Variants in SLCO3A1 observed in about 807,000 individuals in gnomAD.
The protein encoded by SLCO3A1 is solute carrier organic anion transporter family member 3A1.
SLCO3A1 carries 27 observed loss-of-function variants against 63.1 expected under a neutral mutation model. That is an observed-to-expected ratio of 0.43 (90% CI 0.32 to 0.59). SLCO3A1 has a LOEUF of 0.59. Ranked by LOEUF, SLCO3A1 falls within the 20% of genes least tolerant of loss-of-function variation. The pLI is 0.09. For missense variants in SLCO3A1, 773 were observed against 945.8 expected (o/e 0.82, Z 2.40); for synonymous variants, 473 against 409.9 (o/e 1.15, Z -1.86).
chr15:91,917,537 C>T (rs992299321), intron 2 of SLCO3A1, among the ~76,000 whole-genome samples: 9 of 152,060 alleles, frequency 5.9e-5, no homozygotes, highest in African/African-American at 1.9e-4. Flanking sequence ...GGATGTTGCA[C>T]GCGGATGTTC....
intron 4 of SLCO3A1, among the ~76,000 whole-genome samples, chr15:92,114,823 G>A (rs188518823): frequency 1.3e-5 from 2 of 152,254 alleles, no homozygotes; most frequent in Admixed American, 6.5e-5. Context: ...GGACTTTGGA[G>A]CTCAGGCTGA....
At chr15:92,030,627 T>C (rs998813579) in intron 2 of SLCO3A1, among the ~76,000 whole-genome samples, 1 of 152,172 alleles carries the variant, frequency 6.6e-6, no homozygotes, top group Non-Finnish European at 1.5e-5. Context: ...AATCTTCAGG[T>C]CATCTTTTCT....
chr15:92,162,605 A>G (rs2048453186), intron 9 of SLCO3A1, 151 bp from the exon 10 acceptor site: 5 of 1,280,790 alleles, frequency 3.9e-6, no homozygotes, highest in South Asian at 3.2e-5. Context: ...CTGGGACACA[A>G]ACTCATGCGC....
chr15:91,880,690 A>G (rs1240275223), intron 1 of SLCO3A1, among the ~76,000 whole-genome samples: 1 of 152,050 alleles, frequency 6.6e-6, no homozygotes, highest in Admixed American at 6.5e-5. Context: ...GCATATATCA[A>G]TAATTCATTT....
At chr15:92,062,145 C>G (rs1027340669) in intron 2 of SLCO3A1, among the ~76,000 whole-genome samples, 2 of 152,246 alleles carry the variant, frequency 1.3e-5, no homozygotes, top group Non-Finnish European at 2.9e-5. Context: ...TTACCTAACT[C>G]TGAGCCTTCA....
intron 1 of SLCO3A1, among the ~76,000 whole-genome samples, chr15:91,876,681 G>A (rs1324924263): frequency 2.0e-5 from 3 of 152,220 alleles, no homozygotes; most frequent in Non-Finnish European, 2.9e-5. Flanking sequence ...GGTAGGTTCC[G>A]GAGGCCTCTC....
intron 2 of SLCO3A1, among the ~76,000 whole-genome samples, chr15:92,001,456 G>C (rs1026256703): frequency 2.5e-4 from 38 of 152,298 alleles, no homozygotes; most frequent in African/African-American, 9.1e-4. Flanking sequence ...ACAGGGTTGA[G>C]CTTGACAGTG....
Position 91,916,296 on chromosome 15 carries a change from G to T in SLCO3A1, c.484G>T (p.Asp162Tyr), listed in dbSNP as rs779274626. The part of the protein sequence containing the change: ...ANGSGGDEGP[D>Y]PDLICRNRTA... ...CGGCTCGGGCGGCGACGAGGGGCCCGACCCCGACCTCATCTGCCGCAACCG... is the reference window on the plus strand; with the variant it reads ...CGGCTCGGGCGGCGACGAGGGGCCCTACCCCGACCTCATCTGCCGCAACCG... The change falls in exon 2 of 10, where the codon GAC becomes TAC. Residue 162 changes from aspartate to tyrosine, a missense_variant. By Grantham distance (160) the Asp-to-Tyr change is radical. Around this residue, in one of 3 missense-constraint regions of SLCO3A1, gnomAD observed 565 missense variants for 749.8 expected, o/e 0.75. Coordinates refer to ENST00000318445, the MANE Select transcript of SLCO3A1 (RefSeq NM_013272.4). This position sits in a 1 kb window ranked among gnomAD's most constrained non-coding sequence, Gnocchi z 6.2. The T allele has an allele frequency of 2.2e-5, 34 of 1,561,164 alleles. No homozygotes were observed. Among genetic ancestry groups the T allele is most frequent in the Non-Finnish European group, 2.9e-5 (34 of 1,154,948 alleles).
rs137865785 is a variant in SLCO3A1, at chr15:92,041,571, C to G, written c.647-53310C>G. 9.7e-4 allele frequency among the ~76,000 whole-genome samples: 148 copies of G among 152,256 alleles called. 1 individual carries two copies. The highest frequency in any genetic ancestry group is 3.0e-3 in the African/African-American group (126 of 41,548). ...GAATGAACTATGTGGTCTCTTCAAC[C>G]CGTACATTTTAAATGCAGATGGAGA... On this transcript the variant is annotated intron_variant, in intron 2 of 9. Coordinates refer to ENST00000318445, the MANE Select transcript of SLCO3A1 (RefSeq NM_013272.4).
chr15:91,985,921 G>A (rs946521272), intron 2 of SLCO3A1, among the ~76,000 whole-genome samples: 1 of 152,128 alleles, frequency 6.6e-6, no homozygotes, highest in African/African-American at 2.4e-5. Context: ...GGAGGCCTTC[G>A]AGGAGCAGGA....
Position 92,053,693 on chromosome 15 carries a change from TTTG to T in SLCO3A1, c.647-41185_647-41183del, listed in dbSNP as rs751385297. On this transcript the variant is annotated intron_variant, in intron 2 of 9. Transcript: ENST00000318445. ...TATGTTTTGTTTTTTTGTTTGTTTG[TTTG>T]TTTTTTTTTTTTTTACTTCTCATGG... Among the ~76,000 whole-genome samples the T allele has an allele frequency of 3.2e-3, 264 of 83,152 alleles. 3 individuals carry two copies. Among genetic ancestry groups the T allele is most frequent in the East Asian group, 6.5e-3 (22 of 3,380 alleles). The allele number at this position is 83,152 out of a possible 152,430, so 54.6% of individuals were successfully genotyped here.
chr15:91,999,086 TG>T (rs1567059206), intron 2 of SLCO3A1, among the ~76,000 whole-genome samples: 1 of 152,104 alleles, frequency 6.6e-6, no homozygotes, highest in East Asian at 1.9e-4. Flanking sequence ...AGCTAAACAT[TG>T]GGTACTCGTG....
chr15:92,102,424 T>C (rs189707115), intron 3 of SLCO3A1, among the ~76,000 whole-genome samples: 1 of 152,358 alleles, frequency 6.6e-6, no homozygotes, highest in East Asian at 1.9e-4. Flanking sequence ...ACAAAGAGCC[T>C]ACTGTGCATC....
intron 1 of SLCO3A1, among the ~76,000 whole-genome samples, chr15:91,858,758 G>C (rs1283035953): frequency 6.6e-6 from 1 of 152,210 alleles, no homozygotes; most frequent in Non-Finnish European, 1.5e-5. Context: ...GAACTGCTGG[G>C]CAAAGGCAGC....
chr15:91,864,352 A>G (rs1474634389), intron 1 of SLCO3A1, among the ~76,000 whole-genome samples: 19 of 152,230 alleles, frequency 1.2e-4, no homozygotes. Context: ...AGGTATAAGC[A>G]GGTGAGCAGC....
At chr15:92,103,788 C>T (rs895622197) in intron 3 of SLCO3A1, among the ~76,000 whole-genome samples, 9 of 151,946 alleles carry the variant, frequency 5.9e-5, no homozygotes, top group Non-Finnish European at 1.3e-4. Flanking sequence ...GCTTCAGAGG[C>T]CCTGCTCTAA....
At chr15:92,117,866 AC>A (rs1220764022) in intron 4 of SLCO3A1, among the ~76,000 whole-genome samples, 3 of 152,238 alleles carry the variant, frequency 2.0e-5, no homozygotes, top group African/African-American at 7.2e-5. Flanking sequence ...TATTTGTTGA[AC>A]AATCCACATA....
chr15:92,164,989 C>A lies in SLCO3A1; in HGVS notation c.*1854C>A. On this transcript the variant is annotated 3_prime_UTR_variant, in exon 10 of 10. Transcript: ENST00000318445. ...AAGGTTGATTGGTTTGCTTTTTCAC[C>A]TTGGACACATTTGCATTTTACCCAC... 2 of 985,302 alleles carry A rather than the reference C, an allele frequency of 2.0e-6. No individual in the cohort carries two copies. Among genetic ancestry groups the A allele is most frequent in the Non-Finnish European group, 2.4e-6 (2 of 829,908 alleles). The allele number at this position is 985,302 out of a possible 1,614,324, so 61.0% of individuals were successfully genotyped here.
At chr15:92,151,464 A>G (rs1308177658) in intron 9 of SLCO3A1, among the ~76,000 whole-genome samples, 1 of 152,162 alleles carries the variant, frequency 6.6e-6, no homozygotes. Flanking sequence ...GTTTACCTTG[A>G]ATTTCTGGGA....
Sources: allele counts gnomAD v4.1 joint callset (sites outside exome capture counted in the v4.1 genomes callset), GRCh38; gene constraint gnomAD v4.1.1; regional missense constraint gnomAD v4.1.1; non-coding constraint Gnocchi (gnomAD v3.1); transcripts MANE v1.5; gene names NCBI Gene and HGNC (gene_info 2026-07-23, HGNC 2026-07-21).